The following PHLDB1 variants were observed in gnomAD, a reference collection of about 807,000 sequenced individuals.
PHLDB1 encodes the protein pleckstrin homology like domain family B member 1, also known as pleckstrin homology-like domain family B member 1.
In PHLDB1, 65 loss-of-function variants were observed where a neutral mutation model predicts 139.3. The observed-to-expected ratio is 0.47, with a 90% CI of 0.38 to 0.57. The LOEUF is 0.57. Ranked by LOEUF, PHLDB1 falls within the 20% of genes least tolerant of loss-of-function variation. The probability of loss-of-function intolerance (pLI) is 0.00; values close to 1 mark genes in which losing one functional copy is unlikely to be tolerated. For missense variants in PHLDB1, 1,624 were observed against 1,839.7 expected, an observed-to-expected ratio of 0.88 and a Z score of 2.14; for synonymous variants, 679 against 734.5, an observed-to-expected ratio of 0.92 and a Z score of 1.22.
Position 118,645,764 on chromosome 11 carries a change from A to AG in PHLDB1, c.3448dup (p.Glu1150GlyfsTer39). On this transcript the variant is annotated frameshift_variant, in exon 17 of 23. Transcript: ENST00000600882. LOFTEE classifies it high-confidence loss of function. The surrounding 1 kb of genome is among the most constrained non-coding windows in gnomAD (Gnocchi z 5.1). ...AGTGGTCTGGACATGGGGAAGATCG[A>AG]GGAGATGGAGAAGATGCTGAAAGAG... The AG allele has an allele frequency of 6.2e-7, 1 of 1,613,730 alleles. No individual in the cohort carries two copies. Among genetic ancestry groups the AG allele is most frequent in the Non-Finnish European group, 8.5e-7 (1 of 1,179,736 alleles).
chr11:118,611,414 T>A lies in PHLDB1; in HGVS notation c.-21-2402T>A, dbSNP rs1002368079. 2.6e-5 allele frequency among the ~76,000 whole-genome samples: 4 copies of A among 152,210 alleles called. No individual in the cohort carries two copies. The highest frequency in any genetic ancestry group is 4.4e-5 in the Non-Finnish European group (3 of 68,042). Reference sequence around the variant, plus strand: ...CCATCGGCCTTACTCCTTTACAATCTTTATCTCCACTTGAAGTTCTTGGGT... The same window carrying A: ...CCATCGGCCTTACTCCTTTACAATCATTATCTCCACTTGAAGTTCTTGGGT... On this transcript the variant is annotated intron_variant, in intron 1 of 22. Transcript: ENST00000600882. The surrounding 1 kb of genome is among the most constrained non-coding windows in gnomAD (Gnocchi z 4.7).
Position 118,650,095 on chromosome 11 carries a change from T to C in PHLDB1, c.3673T>C (p.Tyr1225His). The C allele has an allele frequency of 6.2e-7, 1 of 1,614,102 alleles. No homozygotes were observed. The highest frequency in any genetic ancestry group is 8.5e-7 in the Non-Finnish European group (1 of 1,179,932). Residue 1225 changes from tyrosine (Y) to histidine (H), a missense_variant, in exon 19 of 23, where the codon TAC becomes CAC. Tyr to His is a moderately conservative substitution (Grantham distance 83). Transcript: ENST00000600882. The surrounding 1 kb of genome is among the most constrained non-coding windows in gnomAD (Gnocchi z 4.7). ...CTCCCAGGCACGACCCCTGACCCGC[T>C]ACCTGCCAATCCGGAAGGAGGACTT... is the stretch of plus-strand genomic sequence containing the variant. ...QFSQARPLTR[Y>H]LPIRKEDFDL... is the part of the protein sequence containing the mutation.
In PHLDB1 at chr11:118,639,664, T is replaced by C. The variant is rs1052663916; in HGVS notation, c.2736+413T>C. ...GTTAGGCATTTGTCTCAGAAGAGGA[T>C]ATTGAGGCCCCTTAAGTGGTTCTTC... On this transcript the variant is annotated intron_variant, in intron 12 of 22. Coordinates refer to ENST00000600882, the MANE Select transcript of PHLDB1 (RefSeq NM_001144758.3). 9 of 227,498 alleles carry C rather than the reference T, an allele frequency of 4.0e-5. 1 individual carries two copies. In the South Asian group the frequency reaches 5.1e-4, roughly 13 times the overall value. 14.1% of individuals were successfully genotyped at this position (227,498 alleles called of 1,614,324 possible). A position where few individuals can be genotyped will look rare whatever the true frequency, so the allele number is the denominator to read the frequency against.
chr11:118,608,158 C>A lies in PHLDB1; in HGVS notation c.-22+459C>A, dbSNP rs1057435142. Among the ~76,000 whole-genome samples, 9 of 152,096 alleles carry A rather than the reference C, an allele frequency of 5.9e-5. No homozygotes were observed. Among genetic ancestry groups the A allele is most frequent in the African/African-American group, 1.9e-4 (8 of 41,424 alleles). ...GGGTATCTCCTGTGACGTCTCCCCG[C>A]CTGTCCCCAGGCCGGCCGCCTTGAT... On this transcript the variant is annotated intron_variant, in intron 1 of 22. Transcript: ENST00000600882. This position sits in a 1 kb window ranked among gnomAD's most constrained non-coding sequence, Gnocchi z 6.7.
intron 18 of PHLDB1, among the ~76,000 whole-genome samples, chr11:118,648,833 G>A (rs529689188): frequency 6.6e-6 from 1 of 152,290 alleles, no homozygotes; most frequent in African/African-American, 2.4e-5. Context: ...AGAATCTGTA[G>A]GACTTAGATA....
chr11:118,627,578 C>T lies in PHLDB1; in HGVS notation c.755C>T (p.Ser252Phe). 1 of 1,614,032 alleles carries T rather than the reference C, an allele frequency of 6.2e-7. No individual in the cohort carries two copies. The highest frequency in any genetic ancestry group is 8.5e-7 in the Non-Finnish European group (1 of 1,180,018). The change falls in exon 6 of 23, where the codon TCT becomes TTT. Residue 252 changes from serine to phenylalanine, a missense_variant. Coordinates refer to ENST00000600882, the MANE Select transcript of PHLDB1 (RefSeq NM_001144758.3). ...GTGGGCTCCAGCTATGAGAACACCTCTCCAGCCTTCTCTCCACTCTCTTCA... is the reference window on the plus strand; with the variant it reads ...GTGGGCTCCAGCTATGAGAACACCTTTCCAGCCTTCTCTCCACTCTCTTCA... ...MSVGSSYENT[S>F]PAFSPLSSPA...
chr11:118,607,832 T>TG (rs1939416347), intron 1 of PHLDB1, 133 bp downstream of exon 1: 1 of 152,198 alleles, frequency 6.6e-6, no homozygotes, highest in African/African-American at 2.4e-5. Flanking sequence ...CAGAAACCCG[T>TG]GGGGGAGAGA....
intron 1 of PHLDB1, 59 bp from the exon 2 acceptor site, chr11:118,613,757 A>T: frequency 9.7e-7 from 1 of 1,033,026 alleles, no homozygotes; most frequent in Non-Finnish European, 1.5e-6. Context: ...CACAGAACCT[A>T]CTTCTTTCCC....
At chr11:118,623,874 TTGTG>T (rs3222268) in intron 4 of PHLDB1, among the ~76,000 whole-genome samples, 39,874 of 140,934 alleles carry the variant, frequency 0.28, 5,764 homozygotes, top group South Asian at 0.43. Flanking sequence ...CTCTGAACAT[TTGTG>T]TGTGTGTGTG....
intron 4 of PHLDB1, among the ~76,000 whole-genome samples, chr11:118,618,265 G>A (rs1942057853): frequency 6.6e-6 from 1 of 152,110 alleles, no homozygotes; most frequent in Non-Finnish European, 1.5e-5. Context: ...TTGGCAGCCT[G>A]TGGAGGGGTA....
rs782013973 is a variant in PHLDB1, at chr11:118,650,241, G to A, written c.3771+48G>A. ...GGGTGCTGGGGAGAGGGAGAATCCC[G>A]TGGTGAGAGGCACCTCCTGGGTCGT... On this transcript the variant is annotated intron_variant, in intron 19 of 22. Transcript: ENST00000600882. The surrounding 1 kb of genome is among the most constrained non-coding windows in gnomAD (Gnocchi z 4.7). 6.6e-5 allele frequency: 92 copies of A among 1,388,954 alleles called. No individual in the cohort carries two copies. Among genetic ancestry groups the A allele is most frequent in the South Asian group, 3.2e-4 (28 of 86,428 alleles). The allele number at this position is 1,388,954 out of a possible 1,614,324, so 86.0% of individuals were successfully genotyped here.
At chr11:118,628,783 A>G (rs571155651) in intron 6 of PHLDB1, 133 bp downstream of exon 6, 4 of 727,464 alleles carry the variant, frequency 5.5e-6, no homozygotes, top group Non-Finnish European at 8.7e-6. Context: ...CCTCCAGGAT[A>G]CACTTTAGTG....
intron 5 of PHLDB1, 134 bp downstream of exon 5, chr11:118,625,193 G>A: frequency 2.8e-6 from 3 of 1,066,752 alleles, no homozygotes; most frequent in Non-Finnish European, 3.9e-6. Context: ...CACCTGCCAT[G>A]GGCGGGTGGA....
intron 22 of PHLDB1, among the ~76,000 whole-genome samples, chr11:118,656,240 C>T (rs1949047823): frequency 6.6e-6 from 1 of 152,180 alleles, no homozygotes; most frequent in South Asian, 2.1e-4. Flanking sequence ...AGCCTTCCTG[C>T]CCCCAGCCCT....
rs1256264650 is a variant in PHLDB1, at chr11:118,656,799, G to A, written c.4110G>A (p.Glu1370=). ...TGGATGTCATTGTCACAGGGGCTGA[G>A]GGCTACACTCAGTTCATGAACTAAC... The part of the protein sequence containing the change: ...IWMDVIVTGA[E]GYTQFMN Residue 1370 remains glutamate (E), a synonymous_variant, in exon 23 of 23, where the codon GAG becomes GAA. Coordinates refer to ENST00000600882, the MANE Select transcript of PHLDB1 (RefSeq NM_001144758.3). 6.2e-7 allele frequency: 1 copy of A among 1,613,848 alleles called. No homozygotes were observed. Among genetic ancestry groups the A allele is most frequent in the Non-Finnish European group, 8.5e-7 (1 of 1,179,846 alleles).
In PHLDB1 at chr11:118,611,602, T is replaced by A. The variant is rs1207056433; in HGVS notation, c.-21-2214T>A. ...CAGGCGCGGTGGCTCACGCCTGTAA[T>A]CCCAGCACTTCGGGAGGTCGAGGCG... On this transcript the variant is annotated intron_variant, in intron 1 of 22. Coordinates refer to ENST00000600882, the MANE Select transcript of PHLDB1 (RefSeq NM_001144758.3). The surrounding 1 kb of genome is among the most constrained non-coding windows in gnomAD (Gnocchi z 4.7). Among the ~76,000 whole-genome samples, 1 of 152,124 alleles carries A rather than the reference T, an allele frequency of 6.6e-6. No homozygotes were observed. The highest frequency in any genetic ancestry group is 2.4e-5 in the African/African-American group (1 of 41,422).
chr11:118,616,281 G>T, intron 4 of PHLDB1, 70 bp downstream of exon 4: 2 of 1,411,414 alleles, frequency 1.4e-6, no homozygotes, highest in Non-Finnish European at 1.9e-6. Context: ...CACAGGGGAG[G>T]CTGGCTGTGG....
chr11:118,632,395 C>A lies in PHLDB1; in HGVS notation c.2379+99C>A. ...GCCCTGTACCCTTCACCTCATCATCCATTCTGCAGTACAAGTGGTCTCTGT... is the reference window on the plus strand; with the variant it reads ...GCCCTGTACCCTTCACCTCATCATCAATTCTGCAGTACAAGTGGTCTCTGT... On this transcript the variant is annotated intron_variant, in intron 9 of 22. Transcript: ENST00000600882. This position sits in a 1 kb window ranked among gnomAD's most constrained non-coding sequence, Gnocchi z 5.9. The A allele has an allele frequency of 8.2e-7, 1 of 1,217,192 alleles. No homozygotes were observed. Among genetic ancestry groups the A allele is most frequent in the Non-Finnish European group, 1.2e-6 (1 of 847,500 alleles). The allele number at this position is 1,217,192 out of a possible 1,614,324, so 75.4% of individuals were successfully genotyped here. A position where few individuals can be genotyped will look rare whatever the true frequency, so the allele number is the denominator to read the frequency against.
intron 4 of PHLDB1, among the ~76,000 whole-genome samples, chr11:118,622,002 G>A (rs1166100453): frequency 6.6e-6 from 1 of 152,212 alleles, no homozygotes; most frequent in East Asian, 1.9e-4. Flanking sequence ...ACGCCCATAA[G>A]TCTGTTGTGT....
Sources: allele counts gnomAD v4.1 joint callset (sites outside exome capture counted in the v4.1 genomes callset), GRCh38; gene constraint gnomAD v4.1.1; non-coding constraint Gnocchi (gnomAD v3.1); transcripts MANE v1.5; gene names NCBI Gene and HGNC (gene_info 2026-07-23, HGNC 2026-07-21).